The following ACTR3B variants were observed in gnomAD, a reference collection of about 807,000 sequenced individuals.
ACTR3B encodes the protein actin related protein 3B.
Under a neutral mutation model 59.0 loss-of-function variants are expected in ACTR3B, and 8 were observed. The observed-to-expected ratio is 0.14, with a 90% CI of 0.08 to 0.24. The LOEUF is 0.24. Ranked by LOEUF, ACTR3B falls within the 10% of genes least tolerant of loss-of-function variation. The probability of loss-of-function intolerance (pLI) is 1.00; values close to 1 mark genes in which losing one functional copy is unlikely to be tolerated. For synonymous variants in ACTR3B, 148 were observed against 197.9 expected (o/e 0.75, Z 2.12); for missense variants, 245 against 552.3 (o/e 0.44, Z 5.58).
At chr7:152,760,019 GC>G (rs1053162383) in intron 1 of ACTR3B, 93 bp downstream of exon 1, 3 of 1,160,444 alleles carry the variant, frequency 2.6e-6, no homozygotes, top group South Asian at 2.8e-5. Flanking sequence ...TGCGTCCGTC[GC>G]CCCGGGCTTG....
At chr7:152,832,061 C>T (rs1422134000) in intron 9 of ACTR3B, among the ~76,000 whole-genome samples, 1 of 152,130 alleles carries the variant, frequency 6.6e-6, no homozygotes, top group East Asian at 1.9e-4. Context: ...ATTGTAGAAC[C>T]ACGCGGAGGC....
intron 2 of ACTR3B, among the ~76,000 whole-genome samples, chr7:152,799,084 G>C (rs1196740545): frequency 3.3e-5 from 5 of 152,154 alleles, no homozygotes; most frequent in Admixed American, 2.6e-4. Flanking sequence ...ACTTTGGGTA[G>C]TAAGTCACAA....
chr7:152,763,796 C>A (rs1436238261), intron 1 of ACTR3B, among the ~76,000 whole-genome samples: 1 of 152,200 alleles, frequency 6.6e-6, no homozygotes, highest in Non-Finnish European at 1.5e-5. Flanking sequence ...CTCTATTATT[C>A]TGTCTCCATT....
intron 2 of ACTR3B, among the ~76,000 whole-genome samples, chr7:152,788,999 G>T (rs148648111): frequency 6.6e-6 from 1 of 152,042 alleles, no homozygotes; most frequent in Non-Finnish European, 1.5e-5. Context: ...TCCAGCCTGG[G>T]CAGCAGAACC....
chr7:152,854,451 C>T lies in ACTR3B; in HGVS notation c.1162-7C>T. On this transcript the variant is annotated splice_region_variant and splice_polypyrimidine_tract_variant and intron_variant, in intron 11 of 11. Coordinates refer to ENST00000256001, the MANE Select transcript of ACTR3B (RefSeq NM_020445.6). The surrounding 1 kb of genome is among the most constrained non-coding windows in gnomAD (Gnocchi z 4.9). ...GTGTCTTTCTGTCTGCCTGTTGCCT[C>T]TCGTAGCCCGAGTTCTTTCAGGTCT... The T allele has an allele frequency of 6.2e-7, 1 of 1,613,884 alleles. No individual in the cohort carries two copies. Among genetic ancestry groups the T allele is most frequent in the Non-Finnish European group, 8.5e-7 (1 of 1,179,828 alleles).
intron 7 of ACTR3B, 82 bp from the exon 8 acceptor site, chr7:152,823,260 A>T: frequency 6.4e-7 from 1 of 1,570,018 alleles, no homozygotes; most frequent in Non-Finnish European, 8.6e-7. Context: ...GTGTTTGCTC[A>T]TGGGCTTCCT....
At chr7:152,832,083 C>T (rs1034954161) in intron 9 of ACTR3B, among the ~76,000 whole-genome samples, 7 of 152,016 alleles carry the variant, frequency 4.6e-5, no homozygotes, top group Admixed American at 2.6e-4. Context: ...GGACAGTGCC[C>T]GTATTGGGAA....
chr7:152,852,198 G>C lies in ACTR3B; in HGVS notation c.1024G>C (p.Val342Leu). 1 of 1,614,144 alleles carries C rather than the reference G, an allele frequency of 6.2e-7. No individual in the cohort carries two copies. The highest frequency in any genetic ancestry group is 2.2e-5 in the East Asian group (1 of 44,858). ...GRRLQRDLKR[V>L]VDARLRLSEE... ...CCGACTGCAGAGGGATTTGAAGAGA[G>C]TGGTGGATGCTAGGCTGAGGCTCAG... Residue 342 changes from valine (V) to leucine (L), a missense_variant, in exon 10 of 12, where the codon GTG (valine) becomes CTG (leucine). This residue lies in a region of ACTR3B where 153 missense variants were observed against 266.2 expected (regional missense o/e 0.57). Transcript: ENST00000256001.
At chr7:152,774,405 G>T (rs150730169) in intron 1 of ACTR3B, among the ~76,000 whole-genome samples, 2,230 of 152,174 alleles carry the variant, frequency 0.015, 56 homozygotes, top group African/African-American at 0.05. Context: ...CGAAGTATTG[G>T]GATTACAGGT....
intron 1 of ACTR3B, among the ~76,000 whole-genome samples, chr7:152,760,591 C>G (rs897943976): frequency 3.3e-5 from 5 of 152,160 alleles, no homozygotes; most frequent in Non-Finnish European, 5.9e-5. Context: ...TGCCTTTTCG[C>G]TGAAAAATGA....
intron 9 of ACTR3B, among the ~76,000 whole-genome samples, chr7:152,825,992 T>C (rs1361454090): frequency 6.6e-6 from 1 of 152,122 alleles, no homozygotes; most frequent in Non-Finnish European, 1.5e-5. Flanking sequence ...GATGGGCAAT[T>C]AGCCTTCCTG....
chr7:152,830,748 G>T (rs909335856), intron 9 of ACTR3B, among the ~76,000 whole-genome samples: 4 of 151,950 alleles, frequency 2.6e-5, no homozygotes, highest in African/African-American at 9.7e-5. Flanking sequence ...TTGAGGTCTT[G>T]CTCTGTTGCT....
chr7:152,836,116 C>T (rs935122224), intron 9 of ACTR3B, among the ~76,000 whole-genome samples: 6 of 149,620 alleles, frequency 4.0e-5, no homozygotes, highest in African/African-American at 7.4e-5. Context: ...ATGTGGAGGC[C>T]GGAGGGCGGG....
At chr7:152,775,490 A>G (rs1408457693) in intron 1 of ACTR3B, among the ~76,000 whole-genome samples, 1 of 151,960 alleles carries the variant, frequency 6.6e-6, no homozygotes, top group East Asian at 1.9e-4. Context: ...GCTGGGCGTG[A>G]TAGCTCAGCC....
chr7:152,776,438 A>T (rs2098136413), intron 1 of ACTR3B, among the ~76,000 whole-genome samples: 1 of 152,090 alleles, frequency 6.6e-6, no homozygotes, highest in South Asian at 2.1e-4. Context: ...AACAAGGTAA[A>T]CAACAAGCTG....
intron 1 of ACTR3B, among the ~76,000 whole-genome samples, chr7:152,761,027 G>C (rs1050680285): frequency 3.9e-5 from 6 of 152,096 alleles, no homozygotes; most frequent in African/African-American, 1.2e-4. Flanking sequence ...CCTTGTGGGG[G>C]TGCCTTCTTT....
intron 1 of ACTR3B, 35 bp downstream of exon 1, chr7:152,759,961 G>A (rs1003151646): frequency 4.7e-5 from 63 of 1,333,008 alleles, no homozygotes; most frequent in Non-Finnish European, 5.5e-5. Flanking sequence ...CCGCTCCTCC[G>A]CGGCCCCGCT....
intron 6 of ACTR3B, among the ~76,000 whole-genome samples, chr7:152,818,545 G>A (rs1398188361): frequency 6.6e-6 from 1 of 152,160 alleles, no homozygotes; most frequent in African/African-American, 2.4e-5. Flanking sequence ...CTGCCTCCCA[G>A]GTTCAAGCGA....
intron 9 of ACTR3B, among the ~76,000 whole-genome samples, chr7:152,829,582 G>GT (rs1462599833): frequency 6.6e-6 from 1 of 152,188 alleles, no homozygotes; most frequent in East Asian, 1.9e-4. Flanking sequence ...AAGCCTCCGT[G>GT]TGAGAGCAGG....
Sources: allele counts gnomAD v4.1 joint callset (sites outside exome capture counted in the v4.1 genomes callset), GRCh38; gene constraint gnomAD v4.1.1; regional missense constraint gnomAD v4.1.1; non-coding constraint Gnocchi (gnomAD v3.1); transcripts MANE v1.5; gene names NCBI Gene and HGNC (gene_info 2026-07-23, HGNC 2026-07-21).